Variants in PUM1 observed in about 807,000 individuals in gnomAD.
The protein encoded by PUM1 is pumilio homolog 1.
PUM1 carries 13 observed loss-of-function variants against 131.8 expected under a neutral mutation model. That is an observed-to-expected ratio of 0.10 (90% CI 0.06 to 0.16). PUM1 has a LOEUF of 0.16. PUM1 is among the 10% of genes least tolerant of loss of function. The pLI is 1.00. For missense variants in PUM1, 961 were observed against 1,512.4 expected, an observed-to-expected ratio of 0.64 and a Z score of 6.05; for synonymous variants, 509 against 556.5, an observed-to-expected ratio of 0.91 and a Z score of 1.20.
intron 21 of PUM1, among the ~76,000 whole-genome samples, chr1:30,934,924 C>T (rs1639137562): frequency 6.6e-6 from 1 of 152,144 alleles, no homozygotes; most frequent in Admixed American, 6.5e-5. Context: ...TCCTTATGTC[C>T]CTTTTGCTGA....
rs58848270 is a variant in PUM1, at chr1:30,942,191, TTATATATATATATATATATATATA to T, written c.2995-92_2995-69del. On this transcript the variant is annotated intron_variant, in intron 18 of 21. Transcript: ENST00000426105. The stretch of plus-strand genomic sequence containing the variant: ...ACCACCTTCAATGCTTCAGTATTGT[TTATATATATATATATATATATATA>T]TATATATATATATATATATATGTAT... 4.6e-3 allele frequency: 668 copies of T among 145,242 alleles called. 26 individuals are homozygous for T. The highest frequency in any genetic ancestry group is 0.027 in the African/African-American group (455 of 16,600). The allele number at this position is 145,242 out of a possible 1,614,324, so 9.0% of individuals were successfully genotyped here.
chr1:30,976,694 C>A (rs1641149577), intron 9 of PUM1, among the ~76,000 whole-genome samples: 1 of 152,120 alleles, frequency 6.6e-6, no homozygotes, highest in Non-Finnish European at 1.5e-5. Flanking sequence ...CACTGAAACA[C>A]TATACCTGGG....
At chr1:31,031,451 G>A (rs1461697726) in intron 2 of PUM1, among the ~76,000 whole-genome samples, 1 of 152,172 alleles carries the variant, frequency 6.6e-6, no homozygotes, top group Admixed American at 6.5e-5. Flanking sequence ...CCATTTTAGA[G>A]ATTAGGAAAC....
chr1:30,939,390 C>G (rs1197673383), intron 20 of PUM1, among the ~76,000 whole-genome samples: 1 of 150,562 alleles, frequency 6.6e-6, no homozygotes, highest in Non-Finnish European at 1.5e-5. Context: ...TAAAACTGGG[C>G]CCCCCCGAAC....
rs576695076 is a variant in PUM1 at position 31,035,049 on chromosome 1, G to A, written c.364-6185C>T. Among the ~76,000 whole-genome samples, 8 of 152,270 alleles carry A rather than the reference G, an allele frequency of 5.3e-5. No homozygotes were observed. The East Asian group carries it at 1.2e-3, about 22-fold the overall frequency. ...CTGTTCTACAGCATCTTCTGCACAC[G>A]ATATATCTGTATTAATAACAACTAT... On this transcript the variant is annotated intron_variant, in intron 2 of 21. Transcript: ENST00000426105.
chr1:30,991,391 A>C (rs1392784489), intron 7 of PUM1, among the ~76,000 whole-genome samples: 1 of 152,204 alleles, frequency 6.6e-6, no homozygotes, highest in Non-Finnish European at 1.5e-5. Context: ...AGGAGACTTA[A>C]AGGGAAACTT....
intron 3 of PUM1, among the ~76,000 whole-genome samples, chr1:31,008,084 G>A (rs1245427747): frequency 6.6e-6 from 1 of 152,158 alleles, no homozygotes. Flanking sequence ...TACCTGGAGA[G>A]TTGAATTTCT....
chr1:31,023,160 T>C (rs1360434069), intron 3 of PUM1, among the ~76,000 whole-genome samples: 1 of 147,836 alleles, frequency 6.8e-6, no homozygotes, highest in Non-Finnish European at 1.5e-5. Context: ...GGTGACAGAG[T>C]GAAACTCCAT....
intron 5 of PUM1, among the ~76,000 whole-genome samples, chr1:31,001,125 A>C (rs1446637357): frequency 6.6e-6 from 1 of 152,168 alleles, no homozygotes; most frequent in African/African-American, 2.4e-5. Context: ...CGGAGCTTGC[A>C]GTGAGCCGAG....
At chr1:31,045,358 G>A (rs1162485917) in intron 2 of PUM1, among the ~76,000 whole-genome samples, 2 of 150,322 alleles carry the variant, frequency 1.3e-5, no homozygotes, top group African/African-American at 2.5e-5. Context: ...GGCAGGTCGC[G>A]AACTCCTGGC....
In PUM1 at chr1:30,932,662, TATA is replaced by T. The variant is rs1169412029; in HGVS notation, c.*546_*548del. 0.018 allele frequency: 2,554 copies of T among 145,650 alleles called. 233 individuals are homozygous for T. In the East Asian group the frequency reaches 0.23, roughly 13 times the overall value. 9.0% of individuals were successfully genotyped at this position (145,650 alleles called of 1,614,324 possible). Reference sequence around the variant, plus strand: ...CATTATATATATATATATATATATATATATTTTTTATAAACAGTGTTAAATGCC... The same window carrying T: ...CATTATATATATATATATATATATATTTTTTTATAAACAGTGTTAAATGCC... On this transcript the variant is annotated 3_prime_UTR_variant, in exon 22 of 22. Transcript: ENST00000426105.
At chr1:31,038,984 A>ATATATATTTTTTTTTTTTTTTTTTTT in intron 2 of PUM1, among the ~76,000 whole-genome samples, 1 of 49,422 alleles carries the variant, frequency 2.0e-5, no homozygotes, top group African/African-American at 2.1e-4. Context: ...ATATATATAT[A>ATATATATTTTTTTTTTTTTTTTTTTT]TTTTTTTTTT....
chr1:30,977,549 A>C (rs866329221), intron 9 of PUM1, among the ~76,000 whole-genome samples: 7 of 152,350 alleles, frequency 4.6e-5, no homozygotes, highest in Middle Eastern at 6.8e-3. Context: ...ATCCCAGGGC[A>C]AATCAACTGA....
chr1:31,055,463 A>G, intron 2 of PUM1: 1 of 452,248 alleles, frequency 2.2e-6, no homozygotes, highest in South Asian at 1.6e-5. Flanking sequence ...AAACCAGTAC[A>G]ATACACTATA....
chr1:30,949,588 C>T (rs1293158837), intron 17 of PUM1, among the ~76,000 whole-genome samples: 2 of 151,682 alleles, frequency 1.3e-5, no homozygotes, highest in Non-Finnish European at 1.5e-5. Context: ...CACTGCTCAC[C>T]ACCATGGCTC....
At chr1:31,027,475 CA>C (rs1367533013) in intron 3 of PUM1, among the ~76,000 whole-genome samples, 1 of 152,144 alleles carries the variant, frequency 6.6e-6, no homozygotes, top group African/African-American at 2.4e-5. Context: ...CTAAACCATA[CA>C]GGGTTTATTG....
chr1:30,957,672 T>C (rs1481051003), intron 14 of PUM1, among the ~76,000 whole-genome samples: 1 of 152,256 alleles, frequency 6.6e-6, no homozygotes, highest in Admixed American at 6.5e-5. Flanking sequence ...CCAGTGGTCA[T>C]GTAGTATGTC....
At chr1:31,038,025 G>T (rs537746958) in intron 2 of PUM1, among the ~76,000 whole-genome samples, 1 of 151,182 alleles carries the variant, frequency 6.6e-6, no homozygotes, top group East Asian at 2.0e-4. Context: ...GTTGCAGTGA[G>T]CCGAGATTTC....
intron 2 of PUM1, among the ~76,000 whole-genome samples, chr1:31,030,042 CCT>C (rs1291298614): frequency 6.6e-6 from 1 of 151,266 alleles, no homozygotes; most frequent in East Asian, 2.0e-4. Context: ...ATGGTGAAAC[CCT>C]GTTATCTACT....
Sources: gnomAD v4.1 joint callset for allele counts (sites outside exome capture counted in the v4.1 genomes callset) on GRCh38, gnomAD v4.1.1 for gene constraint, MANE v1.5 for transcripts, NCBI Gene and HGNC (gene_info 2026-07-23, HGNC 2026-07-21) for gene names.